Variants in IQCJ observed in about 807,000 individuals in gnomAD.
The protein encoded by IQCJ is IQ domain-containing protein J.
IQCJ carries 9 observed loss-of-function variants against 11.0 expected under a neutral mutation model. The ratio of observed to expected loss-of-function variants is 0.82; its 90% CI spans 0.49 to 1.43. The LOEUF (loss-of-function observed/expected upper bound fraction) is 1.43. Among genes scored for constraint, IQCJ ranks in the 40% most tolerant of loss-of-function variants. The pLI is 0.00. For missense variants in IQCJ, 146 were observed against 133.2 expected (o/e 1.10, Z -0.47); for synonymous variants, 55 against 51.3 (o/e 1.07, Z -0.31).
At chr3:159,253,804 C>T (rs972471133) in intron 3 of IQCJ, among the ~76,000 whole-genome samples, 1 of 152,216 alleles carries the variant, frequency 6.6e-6, no homozygotes, top group Non-Finnish European at 1.5e-5. Context: ...CAACGTTGAA[C>T]AACACCAAGT....
chr3:159,076,299 A>T (rs1189795511), intron 1 of IQCJ, among the ~76,000 whole-genome samples: 2 of 152,108 alleles, frequency 1.3e-5, no homozygotes, highest in Non-Finnish European at 2.9e-5. Flanking sequence ...ATTTGAGCTC[A>T]TACTTTATGG....
intron 1 of IQCJ, among the ~76,000 whole-genome samples, chr3:159,216,883 A>G (rs867102009): frequency 9.8e-5 from 15 of 152,300 alleles, no homozygotes; most frequent in East Asian, 3.9e-4. Context: ...TATGAAGTCA[A>G]AAAGACAATC....
At chr3:159,226,403 T>A (rs770821401) in intron 1 of IQCJ, among the ~76,000 whole-genome samples, 2 of 152,196 alleles carry the variant, frequency 1.3e-5, no homozygotes, top group Non-Finnish European at 2.9e-5. Flanking sequence ...AGCCAGGAGC[T>A]AAGACCAAAT....
intron 1 of IQCJ, among the ~76,000 whole-genome samples, chr3:159,243,800 A>G (rs1727080458): frequency 6.6e-6 from 1 of 152,248 alleles, no homozygotes; most frequent in South Asian, 2.1e-4. Context: ...AAGACCACTC[A>G]GGTTATTATA....
intron 1 of IQCJ, among the ~76,000 whole-genome samples, chr3:159,181,791 G>C (rs1723104892): frequency 6.6e-6 from 1 of 151,720 alleles, no homozygotes; most frequent in Non-Finnish European, 1.5e-5. Context: ...TTCCTATTGT[G>C]ACTGCCCTGG....
At chr3:159,264,857 C>T (rs547976577), downstream of IQCJ, among the ~76,000 whole-genome samples, 44 of 150,634 alleles carry the variant, frequency 2.9e-4, no homozygotes, top group Middle Eastern at 6.8e-3. Flanking sequence ...GCAGAGGTTG[C>T]AGTGAGCCGA....
intron 1 of IQCJ, among the ~76,000 whole-genome samples, chr3:159,149,718 TA>T (rs952283145): frequency 1.3e-5 from 2 of 152,210 alleles, no homozygotes; most frequent in Admixed American, 6.5e-5. Context: ...CACTGTAATC[TA>T]AACTACAAGT....
At chr3:159,120,547 A>G (rs751393842) in intron 1 of IQCJ, among the ~76,000 whole-genome samples, 4 of 152,220 alleles carry the variant, frequency 2.6e-5, no homozygotes, top group Admixed American at 6.5e-5. Context: ...GAAAGCTGGA[A>G]GCCCAGGAGT....
chr3:159,245,740 C>T (rs1022380115), intron 1 of IQCJ, 103 bp from the exon 2 acceptor site: 4 of 1,003,284 alleles, frequency 4.0e-6, no homozygotes, highest in Non-Finnish European at 5.9e-6. Flanking sequence ...GTCCAGAACT[C>T]TTAATGTTGT....
chr3:159,240,732 G>T (rs1726867026), intron 1 of IQCJ, among the ~76,000 whole-genome samples: 1 of 151,958 alleles, frequency 6.6e-6, no homozygotes, highest in African/African-American at 2.4e-5. Context: ...CAGCACTACA[G>T]GAGTGCACCA....
intron 1 of IQCJ, among the ~76,000 whole-genome samples, chr3:159,079,799 A>G (rs1481054194): frequency 6.6e-6 from 1 of 152,070 alleles, no homozygotes; most frequent in African/African-American, 2.4e-5. Flanking sequence ...TGGATCTTAA[A>G]TGCTTAGGTT....
At chr3:159,177,775 G>A (rs958572459) in intron 1 of IQCJ, among the ~76,000 whole-genome samples, 4 of 152,206 alleles carry the variant, frequency 2.6e-5, no homozygotes, top group African/African-American at 9.6e-5. Flanking sequence ...TTTTAAAAAT[G>A]TATTGGGTAA....
At chr3:159,151,614 A>G (rs752203023) in intron 1 of IQCJ, among the ~76,000 whole-genome samples, 2 of 152,184 alleles carry the variant, frequency 1.3e-5, no homozygotes, top group African/African-American at 2.4e-5. Context: ...AACAAAAACA[A>G]AAAAACAAAA....
chr3:159,166,978 A>T (rs1156237799), intron 1 of IQCJ, among the ~76,000 whole-genome samples: 1 of 152,204 alleles, frequency 6.6e-6, no homozygotes, highest in Non-Finnish European at 1.5e-5. Flanking sequence ...TATATCATAA[A>T]ATTAAATTCT....
intron 1 of IQCJ, among the ~76,000 whole-genome samples, chr3:159,081,398 A>G (rs570312885): frequency 6.6e-6 from 1 of 152,214 alleles, no homozygotes; most frequent in African/African-American, 2.4e-5. Context: ...GGGAGGGTGA[A>G]TGCTGATATC....
chr3:159,077,156 G>T (rs1576987133), intron 1 of IQCJ, among the ~76,000 whole-genome samples: 1 of 152,082 alleles, frequency 6.6e-6, no homozygotes, highest in Non-Finnish European at 1.5e-5. Context: ...AGTGTCTGCT[G>T]AAAATTGATA....
At chr3:159,211,361 A>G (rs1724940551) in intron 1 of IQCJ, among the ~76,000 whole-genome samples, 1 of 152,182 alleles carries the variant, frequency 6.6e-6, no homozygotes, top group Non-Finnish European at 1.5e-5. Flanking sequence ...GCAAACAAGG[A>G]GGTTATGTAG....
At chr3:159,221,798 A>G (rs1725563532) in intron 1 of IQCJ, among the ~76,000 whole-genome samples, 1 of 151,952 alleles carries the variant, frequency 6.6e-6, no homozygotes, top group Non-Finnish European at 1.5e-5. Flanking sequence ...TCTGCCAGGG[A>G]AGTGACAGAA....
At chr3:159,197,040 G>GAA (rs1470038218) in intron 1 of IQCJ, among the ~76,000 whole-genome samples, 24 of 151,600 alleles carry the variant, frequency 1.6e-4, no homozygotes, top group Middle Eastern at 3.4e-3. Context: ...AAAGGCACCT[G>GAA]GTTGGTCTTT....
Sources: gnomAD v4.1 joint callset for allele counts (sites outside exome capture counted in the v4.1 genomes callset) on GRCh38, gnomAD v4.1.1 for gene constraint, MANE v1.5 for transcripts, NCBI Gene and HGNC (gene_info 2026-07-23, HGNC 2026-07-21) for gene names.